Variants in COG6 observed in about 807,000 individuals in gnomAD.
COG6 encodes conserved oligomeric Golgi complex subunit 6.
COG6 carries 74 observed loss-of-function variants against 88.8 expected under a neutral mutation model. The observed-to-expected ratio is 0.83, with a 90% confidence interval of 0.69 to 1.01. COG6 has a LOEUF of 1.01. Ranked by LOEUF, COG6 falls within the 50% of genes least tolerant of loss-of-function variation. COG6 has a pLI of 0.00. For missense variants in COG6, 800 were observed against 797.9 expected (o/e 1.00, Z -0.03); for synonymous variants, 286 against 278.7 (o/e 1.03, Z -0.26).
At chr13:39,682,518 G>T (rs984380054) in intron 8 of COG6, 23 of 376,460 alleles carry the variant, frequency 6.1e-5, no homozygotes, top group Non-Finnish European at 7.3e-5. Context: ...TTATATAGAG[G>T]TTCAGTGACT....
intron 13 of COG6, among the ~76,000 whole-genome samples, chr13:39,708,663 C>T (rs185911078): frequency 6.6e-6 from 1 of 152,140 alleles, no homozygotes; most frequent in East Asian, 1.9e-4. Context: ...TGATCCGTGT[C>T]GTAATGTCTG....
At chr13:39,693,829 G>A (rs1277413824) in intron 11 of COG6, among the ~76,000 whole-genome samples, 1 of 151,932 alleles carries the variant, frequency 6.6e-6, no homozygotes, top group Non-Finnish European at 1.5e-5. Flanking sequence ...TCTGTTGTGT[G>A]TATACTGTTC....
chr13:39,689,959 AT>A, intron 11 of COG6, 135 bp downstream of exon 11: 1 of 523,004 alleles, frequency 1.9e-6, no homozygotes. Context: ...ATGTAGACTA[AT>A]AAGAAACATT....
Position 39,751,436 on chromosome 13 carries a change from A to G in COG6, c.*343A>G. 1.6e-6 allele frequency: 2 copies of G among 1,271,236 alleles called. No homozygotes were observed. The highest frequency in any genetic ancestry group is 3.3e-4 in the Middle Eastern group (1 of 3,070). The allele number at this position is 1,271,236 out of a possible 1,614,324, so 78.7% of individuals were successfully genotyped here. A position where few individuals can be genotyped will look rare whatever the true frequency, so the allele number is the denominator to read the frequency against. On this transcript the variant is annotated 3_prime_UTR_variant, in exon 19 of 19. Transcript: ENST00000455146. ...AAGACTAGTTCTAAATTAACAGCTT[A>G]TAAAAAATTTGTCTAAATTTAATAA... is the stretch of plus-strand genomic sequence containing the variant.
At chr13:39,789,039 A>G (rs1881860136) in exon 19 of COG6, 1 of 152,360 alleles carries the variant, frequency 6.6e-6, no homozygotes, top group Admixed American at 6.5e-5. Context: ...CTTACCCTGG[A>G]CCTTAGCCAT....
chr13:39,713,783 C>A (rs909299628), intron 13 of COG6, among the ~76,000 whole-genome samples: 11 of 151,980 alleles, frequency 7.2e-5, no homozygotes, highest in African/African-American at 2.7e-4. Flanking sequence ...AAAGTTTAAC[C>A]ATTAGAAATG....
In COG6 at chr13:39,724,504, A is replaced by C; in HGVS notation, c.1693-4A>C. On this transcript the variant is annotated splice_region_variant and splice_polypyrimidine_tract_variant and intron_variant, in intron 16 of 18. Coordinates refer to ENST00000455146, the MANE Select transcript of COG6 (RefSeq NM_020751.3). ...TCTGCTTTTTTTTTTTTTTTTTTAA[A>C]TAGGGCTCTTTAGCTAATATGCCCA... 6.7e-7 allele frequency: 1 copy of C among 1,501,704 alleles called. No individual in the cohort carries two copies. The highest frequency in any genetic ancestry group is 1.2e-5 in the South Asian group (1 of 84,366). The allele number at this position is 1,501,704 out of a possible 1,614,324, so 93.0% of individuals were successfully genotyped here.
intron 18 of COG6, among the ~76,000 whole-genome samples, chr13:39,735,976 G>A (rs1879722202): frequency 1.3e-5 from 2 of 151,918 alleles, no homozygotes; most frequent in South Asian, 4.2e-4. Context: ...TAAAGGTCTT[G>A]AGGTAGCCTT....
At chr13:39,766,957 T>A (rs1363749456) in intron 18 of COG6, among the ~76,000 whole-genome samples, 1 of 152,060 alleles carries the variant, frequency 6.6e-6, no homozygotes, top group African/African-American at 2.4e-5. Flanking sequence ...GAGAGATGAG[T>A]CACGTAAGCT....
chr13:39,715,271 C>CTG (rs1555279500), intron 13 of COG6, among the ~76,000 whole-genome samples: 1 of 49,596 alleles, frequency 2.0e-5, no homozygotes, highest in Non-Finnish European at 4.2e-5. Context: ...CTCTCTCTCT[C>CTG]TATACACACA....
rs1380749453 is a variant in COG6, at chr13:39,699,804, A to G, written c.1284+186A>G. Among the ~76,000 whole-genome samples the G allele has an allele frequency of 2.0e-5, 3 of 151,938 alleles. No individual in the cohort carries two copies. In the East Asian group the frequency reaches 5.8e-4, roughly 29 times the overall value. ...TAAGTTGATAGTCTTTGTTCCTGAA[A>G]CAGTATAACATTGAGTTATAATTGG... On this transcript the variant is annotated intron_variant, in intron 13 of 18. Coordinates refer to ENST00000455146, the MANE Select transcript of COG6 (RefSeq NM_020751.3).
intron 4 of COG6, among the ~76,000 whole-genome samples, chr13:39,666,222 T>C (rs957503843): frequency 6.6e-6 from 1 of 152,074 alleles, no homozygotes; most frequent in South Asian, 2.1e-4. Context: ...AAAAATAAAT[T>C]AGAATGAAAT....
At chr13:39,757,046 A>G (rs1400056185), downstream of COG6, among the ~76,000 whole-genome samples, 1 of 152,220 alleles carries the variant, frequency 6.6e-6, no homozygotes, top group Non-Finnish European at 1.5e-5. Flanking sequence ...ATTCCTCTCA[A>G]ATACACAGGG....
chr13:39,776,353 C>G (rs1398792630), intron 18 of COG6, among the ~76,000 whole-genome samples: 1 of 152,126 alleles, frequency 6.6e-6, no homozygotes, highest in Non-Finnish European at 1.5e-5. Flanking sequence ...TCAACAAACA[C>G]CCAGAAGCAA....
intron 12 of COG6, among the ~76,000 whole-genome samples, chr13:39,696,460 A>G (rs1877279491): frequency 6.6e-6 from 1 of 151,908 alleles, no homozygotes; most frequent in African/African-American, 2.4e-5. Context: ...TAGAGGTGAT[A>G]TTTGAATATG....
intron 8 of COG6, among the ~76,000 whole-genome samples, chr13:39,686,916 G>A (rs974615644): frequency 7.9e-5 from 12 of 151,472 alleles, no homozygotes; most frequent in African/African-American, 2.9e-4. Context: ...TTAATAATGA[G>A]AAAGGGTTTC....
intron 18 of COG6, among the ~76,000 whole-genome samples, chr13:39,780,677 A>C (rs1436428021): frequency 6.6e-6 from 1 of 152,070 alleles, no homozygotes; most frequent in Non-Finnish European, 1.5e-5. Context: ...ATAGAATATT[A>C]TTTTCAAGTT....
intron 3 of COG6, among the ~76,000 whole-genome samples, chr13:39,661,767 A>G (rs546090132): frequency 9.9e-5 from 15 of 151,560 alleles, no homozygotes; most frequent in African/African-American, 3.1e-4. Context: ...CATTTTTGGC[A>G]TATATTTACT....
rs745344420 is a variant in COG6, at chr13:39,659,418, C to A, written c.208C>A (p.Arg70=). ...AACCTTTTTTGTTGAAAATAGTCTG[C>A]GGACTCGAAGAAATTTACGTGGAGA... ...LSTFFVENSL[R]TRRNLRGDIE... Residue 70 remains arginine, a synonymous_variant, in exon 2 of 19, where the codon CGG becomes AGG. Transcript: ENST00000455146. The A allele has an allele frequency of 6.2e-7, 1 of 1,613,288 alleles. No individual in the cohort carries two copies. Among genetic ancestry groups the A allele is most frequent in the Non-Finnish European group, 8.5e-7 (1 of 1,179,492 alleles).
Sources: gnomAD v4.1 joint callset for allele counts (sites outside exome capture counted in the v4.1 genomes callset) on GRCh38, gnomAD v4.1.1 for gene constraint, MANE v1.5 for transcripts, NCBI Gene and HGNC (gene_info 2026-07-23, HGNC 2026-07-21) for gene names.